Variants in TACR1 observed in about 807,000 individuals in gnomAD.
TACR1 encodes substance-P receptor.
A neutral mutation model predicts 35.8 loss-of-function variants in TACR1; 25 were observed. That is an observed-to-expected ratio of 0.70 (90% CI 0.51 to 0.98). The LOEUF (loss-of-function observed/expected upper bound fraction) is 0.98, where lower values mean the gene tolerates loss of function less well. TACR1 is among the 50% of genes least tolerant of loss of function. TACR1 has a pLI of 0.00. For missense variants in TACR1, 478 were observed against 522.9 expected, an observed-to-expected ratio of 0.91 and a Z score of 0.84; for synonymous variants, 195 against 206.7, an observed-to-expected ratio of 0.94 and a Z score of 0.48.
rs1374908851 is a variant in TACR1, at chr2:75,051,458, G to A, written c.736-11C>T. 5.0e-6 allele frequency: 8 copies of A among 1,613,246 alleles called. No homozygotes were observed. The highest frequency in any genetic ancestry group is 1.1e-5 in the South Asian group (1 of 91,006). On this transcript the variant is annotated splice_polypyrimidine_tract_variant and intron_variant, in intron 3 of 4. Coordinates refer to ENST00000305249, the MANE Select transcript of TACR1 (RefSeq NM_001058.4). ...CATCATTTTGACCACCTGGCAAGAG[G>A]GTGAGACAGGTGAGACCACCAGCAC...
rs189034726 is a variant in TACR1 at position 75,183,561 on chromosome 2, G to A, written c.389+14985C>T. ...TCAACATCTGTGCCCATGAGGATGTGTCTCCTGGGGAAACCGTGTACTACG... is the reference window on the plus strand; with the variant it reads ...TCAACATCTGTGCCCATGAGGATGTATCTCCTGGGGAAACCGTGTACTACG... On this transcript the variant is annotated intron_variant, in intron 1 of 4. Transcript: ENST00000305249. Among the ~76,000 whole-genome samples, 342 of 152,294 alleles carry A rather than the reference G, an allele frequency of 2.2e-3. 1 individual carries two copies. Among genetic ancestry groups the A allele is most frequent in the African/African-American group, 7.7e-3 (320 of 41,554 alleles).
chr2:75,072,751 C>T (rs78164636), intron 2 of TACR1, among the ~76,000 whole-genome samples: 3,575 of 152,354 alleles, frequency 0.023, 81 homozygotes, highest in Non-Finnish European at 0.033. Context: ...CTGCCTTGCA[C>T]AGCGCCTGGC....
chr2:75,194,626 G>A (rs1675922339), intron 1 of TACR1, among the ~76,000 whole-genome samples: 1 of 152,292 alleles, frequency 6.6e-6, no homozygotes. Context: ...ATTTATTCAT[G>A]TTTTTGTTCT....
chr2:75,105,341 A>G (rs1380957267), intron 2 of TACR1, among the ~76,000 whole-genome samples: 4 of 151,782 alleles, frequency 2.6e-5, no homozygotes, highest in African/African-American at 4.9e-5. Flanking sequence ...TTGAACTCAT[A>G]AAAACAGGGA....
At chr2:75,154,408 A>ACACGCGCGCG (rs1674762905) in intron 1 of TACR1, 3 of 98,644 alleles carry the variant, frequency 3.0e-5, no homozygotes, top group African/African-American at 1.3e-4. Context: ...AAGAGCGCGC[A>ACACGCGCGCG]CGCACACACA....
rs1672421259 is a variant in TACR1 at position 75,049,313 on chromosome 2, C to G, written c.*119G>C. On this transcript the variant is annotated 3_prime_UTR_variant, in exon 5 of 5. Transcript: ENST00000305249. The stretch of plus-strand genomic sequence containing the variant: ...AATGTTTTCCCTAACCCATACTGAC[C>G]CTTTTTGCAAGTCCCAGTGTGAGGG... 7.8e-6 allele frequency: 9 copies of G among 1,159,866 alleles called. No homozygotes were observed. The highest frequency in any genetic ancestry group is 3.1e-5 in the South Asian group (2 of 64,986). The allele number at this position is 1,159,866 out of a possible 1,614,324, so 71.8% of individuals were successfully genotyped here.
intron 2 of TACR1, among the ~76,000 whole-genome samples, chr2:75,065,054 T>G (rs1421186437): frequency 6.6e-6 from 1 of 152,224 alleles, no homozygotes; most frequent in Non-Finnish European, 1.5e-5. Flanking sequence ...TGAAGATTCC[T>G]GGAATCTCTG....
intron 1 of TACR1, among the ~76,000 whole-genome samples, chr2:75,144,464 G>C (rs1280411920): frequency 6.6e-6 from 1 of 152,166 alleles, no homozygotes; most frequent in Non-Finnish European, 1.5e-5. Context: ...CAGCCTCATA[G>C]AGAAATGATC....
chr2:75,106,358 G>A (rs946497689), intron 2 of TACR1, among the ~76,000 whole-genome samples: 1 of 150,734 alleles, frequency 6.6e-6, no homozygotes, highest in African/African-American at 2.5e-5. Flanking sequence ...TCAGTGTGTT[G>A]TGATATCAGA....
intron 1 of TACR1, among the ~76,000 whole-genome samples, chr2:75,157,149 G>A (rs968213238): frequency 4.5e-4 from 69 of 152,134 alleles, no homozygotes; most frequent in African/African-American, 9.9e-4. Context: ...GCAGGGCAGG[G>A]GTTGGGGGAT....
intron 2 of TACR1, among the ~76,000 whole-genome samples, chr2:75,054,611 C>T (rs1050640647): frequency 2.8e-4 from 42 of 151,924 alleles, no homozygotes; most frequent in African/African-American, 1.0e-3. Flanking sequence ...AGGGAAGGCT[C>T]CTTTTCAGAC....
At chr2:75,122,602 A>T (rs1314812768) in intron 1 of TACR1, among the ~76,000 whole-genome samples, 1 of 152,166 alleles carries the variant, frequency 6.6e-6, no homozygotes, top group Non-Finnish European at 1.5e-5. Flanking sequence ...AGGTGGTCTT[A>T]AAGTGAGGAG....
intron 2 of TACR1, among the ~76,000 whole-genome samples, chr2:75,074,955 A>G (rs956684643): frequency 1.7e-4 from 26 of 152,238 alleles, no homozygotes; most frequent in African/African-American, 6.3e-4. Context: ...CAGGAAAACC[A>G]GGATGGTTGG....
intron 1 of TACR1, among the ~76,000 whole-genome samples, chr2:75,152,628 T>C (rs1309404817): frequency 6.6e-6 from 1 of 152,240 alleles, no homozygotes; most frequent in Non-Finnish European, 1.5e-5. Context: ...AAGTGTCAGA[T>C]GTCTGATTCC....
At chr2:75,171,370 T>C (rs1325205337) in intron 1 of TACR1, among the ~76,000 whole-genome samples, 1 of 152,182 alleles carries the variant, frequency 6.6e-6, no homozygotes, top group Admixed American at 6.5e-5. Context: ...TGTATGAAAA[T>C]GCCTGGATGT....
At chr2:75,155,363 C>A (rs1213036275) in intron 1 of TACR1, among the ~76,000 whole-genome samples, 1 of 152,042 alleles carries the variant, frequency 6.6e-6, no homozygotes, top group African/African-American at 2.4e-5. Flanking sequence ...ATCTTTCTGC[C>A]TCTCTTCTCC....
At chr2:75,053,464 A>C in intron 3 of TACR1, 141 bp downstream of exon 3, 3 of 1,062,554 alleles carry the variant, frequency 2.8e-6, no homozygotes, top group Non-Finnish European at 3.8e-6. Flanking sequence ...CTGAAGAAAG[A>C]TTCCTCTCCT....
chr2:75,197,082 T>C (rs1676012615), intron 1 of TACR1, among the ~76,000 whole-genome samples: 1 of 152,230 alleles, frequency 6.6e-6, no homozygotes, highest in Non-Finnish European at 1.5e-5. Flanking sequence ...AAGATAAATT[T>C]GCAAAATAAT....
chr2:75,084,307 T>A (rs1673149758), intron 2 of TACR1, among the ~76,000 whole-genome samples: 1 of 152,212 alleles, frequency 6.6e-6, no homozygotes, highest in African/African-American at 2.4e-5. Context: ...AGCTTTTTGA[T>A]GTGCTGCTGG....
Sources: gnomAD v4.1 joint callset for allele counts (sites outside exome capture counted in the v4.1 genomes callset) on GRCh38, gnomAD v4.1.1 for gene constraint, MANE v1.5 for transcripts, NCBI Gene and HGNC (gene_info 2026-07-23, HGNC 2026-07-21) for gene names.